HHIPL1: variants seen among roughly 807,000 people sequenced by gnomAD.
HHIPL1 encodes HHIP-like protein 1.
In HHIPL1, 43 loss-of-function variants were observed where a neutral mutation model predicts 61.8. The ratio of observed to expected loss-of-function variants is 0.70; its 90% CI spans 0.55 to 0.90. HHIPL1 has a LOEUF of 0.90. Among genes scored for constraint, HHIPL1 ranks in the 40% least tolerant of loss-of-function variants. The pLI is 0.00. For missense variants in HHIPL1, 1,056 were observed against 1,157.7 expected (o/e 0.91, Z 1.28); for synonymous variants, 482 against 515.8 (o/e 0.93, Z 0.89).
chr14:99,624,722 C>T, the HHIPL1 span: 1 of 152,404 alleles, frequency 6.6e-6, no homozygotes, highest in Non-Finnish European at 1.5e-5. Context: ...CTCCCCGCAC[C>T]ACTCCCAGCA....
intron 6 of HHIPL1, among the ~76,000 whole-genome samples, chr14:99,666,220 T>G (rs939591939): frequency 1.3e-5 from 2 of 152,196 alleles, no homozygotes; most frequent in Non-Finnish European, 2.9e-5. Flanking sequence ...AGATTCTAGT[T>G]TCTATGGCAC....
In HHIPL1 at chr14:99,668,698, T is replaced by C; in HGVS notation, c.1730+395T>C. 1.4e-6 allele frequency: 1 copy of C among 736,632 alleles called. No homozygotes were observed. Among genetic ancestry groups the C allele is most frequent in the South Asian group, 1.7e-5 (1 of 59,870 alleles). 45.6% of individuals were successfully genotyped at this position (736,632 alleles called of 1,614,324 possible). A position where few individuals can be genotyped will look rare whatever the true frequency, so the allele number is the denominator to read the frequency against. Reference sequence around the variant, plus strand: ...CCCAGCCCCCAATTTGCCTCTGTGATGCCTCCCAGATGACACCCTGATCCC... The same window carrying C: ...CCCAGCCCCCAATTTGCCTCTGTGACGCCTCCCAGATGACACCCTGATCCC... On this transcript the variant is annotated intron_variant, in intron 7 of 8. Coordinates refer to ENST00000330710, the MANE Select transcript of HHIPL1 (RefSeq NM_001127258.3). This position sits in a 1 kb window ranked among gnomAD's most constrained non-coding sequence, Gnocchi z 4.7.
At chr14:99,637,418 C>T in the HHIPL1 span, among the ~76,000 whole-genome samples, 1 of 151,684 alleles carries the variant, frequency 6.6e-6, no homozygotes, top group African/African-American at 2.4e-5. Flanking sequence ...AAACAAATAA[C>T]ATAATCAGCT....
intron 7 of HHIPL1, 93 bp from the exon 8 acceptor site, chr14:99,672,224 G>A (rs954108779): frequency 1.1e-5 from 10 of 921,280 alleles, no homozygotes; most frequent in South Asian, 1.0e-4. Context: ...TGTTACTATC[G>A]TTGCTGTTCA....
chr14:99,667,863 C>T (rs1308287107), intron 6 of HHIPL1, among the ~76,000 whole-genome samples: 2 of 152,210 alleles, frequency 1.3e-5, no homozygotes, highest in African/African-American at 4.8e-5. Flanking sequence ...GCTGTAGCCC[C>T]CTCATGTGCG....
upstream of HHIPL1, among the ~76,000 whole-genome samples, chr14:99,643,417 AG>A (rs1454338622): frequency 6.6e-6 from 1 of 152,194 alleles, no homozygotes; most frequent in African/African-American, 2.4e-5. Flanking sequence ...ACTAGATAAC[AG>A]AAACCGAGGT....
At chr14:99,613,879 A>G in the HHIPL1 span, among the ~76,000 whole-genome samples, 1 of 152,054 alleles carries the variant, frequency 6.6e-6, no homozygotes, top group Non-Finnish European at 1.5e-5. Context: ...CCGTTGCACT[A>G]CAGCCTGGGC....
Position 99,645,151 on chromosome 14 carries a change from C to T in HHIPL1, c.-57C>T, listed in dbSNP as rs1016002443. The T allele has an allele frequency of 5.6e-6, 7 of 1,245,528 alleles. No individual in the cohort carries two copies. The allele number at this position is 1,245,528 out of a possible 1,614,324, so 77.2% of individuals were successfully genotyped here. ...CGCCCCTTCCCTGCCGCCGCGAGCG[C>T]CCCGGGAGGGGACCGGGGCTGCCGT... is the stretch of plus-strand genomic sequence containing the variant. On this transcript the variant is annotated 5_prime_UTR_variant, in exon 1 of 9. Coordinates refer to ENST00000330710, the MANE Select transcript of HHIPL1 (RefSeq NM_001127258.3).
In HHIPL1 at chr14:99,657,221, C is replaced by G. The variant is rs115600262; in HGVS notation, c.1046+78C>G. The G allele has an allele frequency of 4.6e-3, 6,945 of 1,499,722 alleles. 254 individuals are homozygous for G. The African/African-American group carries it at 0.083, about 18-fold the overall frequency. 92.9% of individuals were successfully genotyped at this position (1,499,722 alleles called of 1,614,324 possible). A position where few individuals can be genotyped will look rare whatever the true frequency, so the allele number is the denominator to read the frequency against. On this transcript the variant is annotated intron_variant, in intron 3 of 8. Coordinates refer to ENST00000330710, the MANE Select transcript of HHIPL1 (RefSeq NM_001127258.3). ...CTCATACTCTTCCAGAGGGTGAGTT[C>G]CTTCCTCGGCCAGGCATTGTAGGGC... is the stretch of plus-strand genomic sequence containing the variant.
At chr14:99,654,106 T>G (rs2055985600) in intron 2 of HHIPL1, among the ~76,000 whole-genome samples, 1 of 150,476 alleles carries the variant, frequency 6.6e-6, no homozygotes, top group Admixed American at 6.6e-5. Context: ...GGAGAATGTC[T>G]TGAACCCAGG....
chr14:99,641,393 G>T (rs1169652819), upstream of HHIPL1, among the ~76,000 whole-genome samples: 1 of 149,826 alleles, frequency 6.7e-6, no homozygotes. Flanking sequence ...ACTGTCTCTT[G>T]GTTGCCTGGT....
Position 99,675,021 on chromosome 14 carries a change from C to A in HHIPL1, c.1814-70C>A. On this transcript the variant is annotated intron_variant, in intron 8 of 8. Transcript: ENST00000330710. This position sits in a 1 kb window ranked among gnomAD's most constrained non-coding sequence, Gnocchi z 5.4. ...GCTCTCCGCACAGGTTGCAGGGCAG[C>A]ACAGGGTGGGCAGCAGGGCTGGACA... 1 of 870,116 alleles carries A rather than the reference C, an allele frequency of 1.1e-6. No individual in the cohort carries two copies. The highest frequency in any genetic ancestry group is 1.4e-6 in the Non-Finnish European group (1 of 698,314). The allele number at this position is 870,116 out of a possible 1,614,324, so 53.9% of individuals were successfully genotyped here.
the HHIPL1 span, among the ~76,000 whole-genome samples, chr14:99,611,741 G>GTT: frequency 4.3e-3 from 628 of 147,448 alleles, 5 homozygotes; most frequent in African/African-American, 0.015. Flanking sequence ...TTTTTGGGTT[G>GTT]TTTTTTTTTT....
the HHIPL1 span, among the ~76,000 whole-genome samples, chr14:99,626,062 CG>C: frequency 6.6e-6 from 1 of 152,034 alleles, no homozygotes; most frequent in Non-Finnish European, 1.5e-5. Flanking sequence ...GCCAGAGGAT[CG>C]GGCGGCCTGA....
In HHIPL1 at chr14:99,645,437, G is replaced by A. The variant is rs2055816117; in HGVS notation, c.230G>A (p.Gly77Asp). ...GCCGCCGAGTGGGCCGCGTGCGCCGGCTACGCGAGGGACCTGCTGTGCCAG... is the reference window on the plus strand; with the variant it reads ...GCCGCCGAGTGGGCCGCGTGCGCCGACTACGCGAGGGACCTGCTGTGCCAG... ...VDAAEWAACA[G>D]YARDLLCQEC... The change falls in exon 1 of 9, where the codon GGC (glycine) becomes GAC (aspartate). Residue 77 changes from glycine to aspartate, a missense_variant. Coordinates refer to ENST00000330710, the MANE Select transcript of HHIPL1 (RefSeq NM_001127258.3). 7.4e-7 allele frequency: 1 copy of A among 1,356,578 alleles called. No individual in the cohort carries two copies. Among genetic ancestry groups the A allele is most frequent in the Non-Finnish European group, 9.4e-7 (1 of 1,059,900 alleles). 84.0% of individuals were successfully genotyped at this position (1,356,578 alleles called of 1,614,324 possible). A position where few individuals can be genotyped will look rare whatever the true frequency, so the allele number is the denominator to read the frequency against.
chr14:99,652,108 T>C, intron 1 of HHIPL1, 116 bp from the exon 2 acceptor site: 1 of 927,750 alleles, frequency 1.1e-6, no homozygotes, highest in East Asian at 2.5e-5. Context: ...GATGGCGTTG[T>C]CTCCATTTTA....
the HHIPL1 span, among the ~76,000 whole-genome samples, chr14:99,628,441 C>A: frequency 1.3e-5 from 2 of 152,008 alleles, no homozygotes; most frequent in Middle Eastern, 3.4e-3. Context: ...ATTAGCCAGG[C>A]CTGGTGGCGG....
In HHIPL1 at chr14:99,660,158, G is replaced by C; in HGVS notation, c.1376-122G>C. On this transcript the variant is annotated intron_variant, in intron 4 of 8. Coordinates refer to ENST00000330710, the MANE Select transcript of HHIPL1 (RefSeq NM_001127258.3). The surrounding 1 kb of genome is among the most constrained non-coding windows in gnomAD (Gnocchi z 4.9). ...GCCCTGCTGTGGGCACGCCAGCCCT[G>C]CTGTGGGCACGCCCCTCCCTCCGTG... is the stretch of plus-strand genomic sequence containing the variant. The C allele has an allele frequency of 1.3e-5, 13 of 1,027,496 alleles. No individual in the cohort carries two copies. The highest frequency in any genetic ancestry group is 5.1e-5 in the African/African-American group (3 of 58,954). 63.6% of individuals were successfully genotyped at this position (1,027,496 alleles called of 1,614,324 possible). A position where few individuals can be genotyped will look rare whatever the true frequency, so the allele number is the denominator to read the frequency against.
chr14:99,617,803 C>G, the HHIPL1 span, among the ~76,000 whole-genome samples: 1 of 152,170 alleles, frequency 6.6e-6, no homozygotes, highest in African/African-American at 2.4e-5. Context: ...CTCAGTTTCC[C>G]CATTCATTTC....
Sources: gnomAD v4.1 joint callset for allele counts (sites outside exome capture counted in the v4.1 genomes callset) on GRCh38, gnomAD v4.1.1 for gene constraint, Gnocchi (gnomAD v3.1) non-coding constraint, MANE v1.5 for transcripts, NCBI Gene and HGNC (gene_info 2026-07-23, HGNC 2026-07-21) for gene names.